POLR1A: variants seen among roughly 807,000 people sequenced by gnomAD.
POLR1A encodes RNA polymerase I subunit A, also known as DNA-directed RNA polymerase I subunit RPA1.
POLR1A carries 84 observed loss-of-function variants against 205.3 expected under a neutral mutation model. That is an observed-to-expected ratio of 0.41 (90% CI 0.34 to 0.49). The LOEUF (loss-of-function observed/expected upper bound fraction) is 0.49, where lower values mean the gene tolerates loss of function less well. Among genes scored for constraint, POLR1A ranks in the 20% least tolerant of loss-of-function variants. POLR1A has a pLI of 0.22. For missense variants in POLR1A, 1,645 were observed against 2,204.5 expected (o/e 0.75, Z 5.08); for synonymous variants, 799 against 863.7 (o/e 0.93, Z 1.31).
intron 12 of POLR1A, among the ~76,000 whole-genome samples, chr2:86,072,805 C>G (rs1265236932): frequency 6.6e-6 from 1 of 152,232 alleles, no homozygotes; most frequent in East Asian, 1.9e-4. Flanking sequence ...CTTTCCCCTC[C>G]TCACCTAGCC....
At chr2:86,099,293 G>A (rs1019377389) in intron 2 of POLR1A, among the ~76,000 whole-genome samples, 1 of 151,170 alleles carries the variant, frequency 6.6e-6, no homozygotes, top group African/African-American at 2.4e-5. Flanking sequence ...GGAGGCAGAG[G>A]TTACAGTGAG....
At chr2:86,075,004 C>T (rs375638618) in intron 12 of POLR1A, 26 bp downstream of exon 12, 25 of 1,514,976 alleles carry the variant, frequency 1.7e-5, no homozygotes, top group Non-Finnish European at 2.2e-5. Context: ...CCGGATGGGT[C>T]CCTGACCAAA....
At chr2:86,031,183 G>A in intron 30 of POLR1A, 147 bp downstream of exon 30, 1 of 1,210,542 alleles carries the variant, frequency 8.3e-7, no homozygotes, top group Admixed American at 3.1e-5. Context: ...CAAACAGGAG[G>A]CCTGGCTGTG....
At chr2:86,035,994 G>A (rs1672486664) in intron 27 of POLR1A, among the ~76,000 whole-genome samples, 1 of 152,196 alleles carries the variant, frequency 6.6e-6, no homozygotes, top group Non-Finnish European at 1.5e-5. Context: ...CAAGAGCAGG[G>A]GAACTAACGG....
At chr2:86,085,217 T>C (rs958736421) in intron 6 of POLR1A, among the ~76,000 whole-genome samples, 1 of 152,144 alleles carries the variant, frequency 6.6e-6, no homozygotes, top group African/African-American at 2.4e-5. Context: ...CGCCTCAGCC[T>C]CCCAAAGCGC....
In POLR1A at chr2:86,078,107, TGCTCACCTGC is replaced by T; in HGVS notation, c.1254_1257+6del. On this transcript the variant is annotated splice_donor_variant and splice_donor_5th_base_variant and coding_sequence_variant and intron_variant, in exon 10 of 34. Transcript: ENST00000263857. LOFTEE classifies it high-confidence loss of function. ...AGCTAGCAATGGGAATCCAGTTTTT[TGCTCACCTGC>T]CTAATGCCTGGGTACTTGTCCATCA... is the stretch of plus-strand genomic sequence containing the variant. 6.2e-7 allele frequency: 1 copy of T among 1,613,118 alleles called. No individual in the cohort carries two copies. The highest frequency in any genetic ancestry group is 1.7e-5 in the Admixed American group (1 of 59,698).
At chr2:86,051,129 G>A (rs1019731133) in intron 16 of POLR1A, among the ~76,000 whole-genome samples, 7 of 151,006 alleles carry the variant, frequency 4.6e-5, no homozygotes, top group Non-Finnish European at 8.9e-5. Flanking sequence ...GGAATAATCT[G>A]TAATTACCAG....
chr2:86,088,764 C>A, intron 5 of POLR1A, 21 bp downstream of exon 5: 2 of 1,607,398 alleles, frequency 1.2e-6, no homozygotes, highest in Non-Finnish European at 1.7e-6. Context: ...TCTCACCTGG[C>A]GCAAGGGCCC....
At chr2:86,058,914 C>G (rs979423876) in intron 14 of POLR1A, among the ~76,000 whole-genome samples, 1 of 151,750 alleles carries the variant, frequency 6.6e-6, no homozygotes, top group African/African-American at 2.4e-5. Context: ...GCCAGGGGTT[C>G]GAGACCAGCC....
rs1380616934 is a variant in POLR1A at position 86,070,070 on chromosome 2, C to T, written c.1814G>A (p.Arg605Gln). 4 of 1,614,062 alleles carry T rather than the reference C, an allele frequency of 2.5e-6. No homozygotes were observed. The highest frequency in any genetic ancestry group is 2.2e-5 in the South Asian group (2 of 91,068). Residue 605 changes from arginine to glutamine, a missense_variant, in exon 13 of 34, where the codon CGG (arginine) becomes CAG (glutamine). Physicochemically the swap from Arg to Gln is conservative, Grantham distance 43 (BLOSUM62 1). Coordinates refer to ENST00000263857, the MANE Select transcript of POLR1A (RefSeq NM_015425.6). This position sits in a 1 kb window ranked among gnomAD's most constrained non-coding sequence, Gnocchi z 4.4. ...GCAGGCCAGGACGTAGGCCTCGGCC[C>T]GGCCCAGCTCACTCTGGGGGAAATG... ...NAHFPQSELGRAEAYVLACTD... is the reference protein window; with the variant it reads ...NAHFPQSELGQAEAYVLACTD...
At chr2:86,052,125 A>G (rs1231933543) in intron 16 of POLR1A, among the ~76,000 whole-genome samples, 1 of 152,128 alleles carries the variant, frequency 6.6e-6, no homozygotes, top group Non-Finnish European at 1.5e-5. Context: ...TTGTATTTTT[A>G]GTAGAGACGG....
chr2:86,048,773 C>G (rs1573810447), intron 18 of POLR1A, 111 bp downstream of exon 18: 1 of 943,466 alleles, frequency 1.1e-6, no homozygotes, highest in East Asian at 2.4e-5. Flanking sequence ...ACCTAGTCAG[C>G]TGTTCAACAG....
chr2:86,037,893 T>C (rs1022334096), intron 27 of POLR1A, among the ~76,000 whole-genome samples: 1 of 152,206 alleles, frequency 6.6e-6, no homozygotes, highest in Non-Finnish European at 1.5e-5. Context: ...TAGTAACAGG[T>C]GCCCCTTGAG....
At chr2:86,101,288 C>T (rs905308268) in intron 1 of POLR1A, among the ~76,000 whole-genome samples, 1 of 152,162 alleles carries the variant, frequency 6.6e-6, no homozygotes, top group African/African-American at 2.4e-5. Context: ...ATGATGTAAA[C>T]ACTCCCTTTA....
chr2:86,038,781 C>A lies in POLR1A; in HGVS notation c.3953G>T (p.Arg1318Leu), dbSNP rs557086775. ...KQNKFQVYQL[R>L]FQFLPHAYYQ... ...ATATGCATGTGGCAGGAACTGAAAC[C>A]GCAGCTGGTACACCTGGAATTTGTT... The change falls in exon 27 of 34, where the codon CGG becomes CTG. Residue 1318 changes from arginine to leucine, a missense_variant. This residue lies in a region of POLR1A where 394 missense variants were observed against 468.5 expected (regional missense o/e 0.84). Transcript: ENST00000263857. 12 of 1,613,842 alleles carry A rather than the reference C, an allele frequency of 7.4e-6. No individual in the cohort carries two copies. The highest frequency in any genetic ancestry group is 8.5e-6 in the Non-Finnish European group (10 of 1,179,858).
chr2:86,061,150 G>C (rs1007000133), intron 14 of POLR1A, among the ~76,000 whole-genome samples: 2 of 152,010 alleles, frequency 1.3e-5, no homozygotes, highest in African/African-American at 4.8e-5. Context: ...ACCAGAAAAA[G>C]AAAACAACAA....
intron 27 of POLR1A, among the ~76,000 whole-genome samples, chr2:86,036,147 CG>C (rs1672491216): frequency 6.6e-6 from 1 of 152,180 alleles, no homozygotes; most frequent in South Asian, 2.1e-4. Context: ...GGTTTCTGAA[CG>C]CGCCTGGCAA....
intron 30 of POLR1A, 60 bp from the exon 31 acceptor site, chr2:86,030,456 T>C: frequency 7.8e-7 from 1 of 1,278,966 alleles, no homozygotes; most frequent in East Asian, 2.3e-5. Context: ...CAAAGAGGAC[T>C]GAGGCGAGAC....
At chr2:86,104,240 G>A (rs1673875990) in intron 1 of POLR1A, among the ~76,000 whole-genome samples, 1 of 152,020 alleles carries the variant, frequency 6.6e-6, no homozygotes. Flanking sequence ...TGAGATAAGG[G>A]CCAGAGGCAA....
Sources: gnomAD v4.1 joint callset for allele counts (sites outside exome capture counted in the v4.1 genomes callset) on GRCh38, gnomAD v4.1.1 for gene constraint, gnomAD v4.1.1 regional missense constraint, Gnocchi (gnomAD v3.1) non-coding constraint, MANE v1.5 for transcripts, NCBI Gene and HGNC (gene_info 2026-07-23, HGNC 2026-07-21) for gene names.